The following CELF2 variants were observed in gnomAD, a reference collection of about 807,000 sequenced individuals.
The protein encoded by CELF2 is CUGBP Elav-like family member 2.
A neutral mutation model predicts 62.6 loss-of-function variants in CELF2; 8 were observed. The observed-to-expected ratio is 0.13, with a 90% CI of 0.07 to 0.23. The LOEUF (loss-of-function observed/expected upper bound fraction) is 0.23, where lower values mean the gene tolerates loss of function less well. Ranked by LOEUF, CELF2 falls within the 10% of genes least tolerant of loss-of-function variation. The pLI, the probability that CELF2 is intolerant of heterozygous loss-of-function variation, is 1.00. For synonymous variants in CELF2, 258 were observed against 250.0 expected, an observed-to-expected ratio of 1.03 and a Z score of -0.30; for missense variants, 333 against 671.0, an observed-to-expected ratio of 0.50 and a Z score of 5.56.
chr10:10,890,278 C>T (rs781398910), intron 1 of CELF2, among the ~76,000 whole-genome samples: 2 of 152,112 alleles, frequency 1.3e-5, no homozygotes, highest in Non-Finnish European at 2.9e-5. Context: ...GCATGGATCG[C>T]TCAAAGGTGA....
At chr10:11,173,448 C>T (rs950409205) in intron 2 of CELF2, among the ~76,000 whole-genome samples, 1 of 152,136 alleles carries the variant, frequency 6.6e-6, no homozygotes, top group African/African-American at 2.4e-5. Context: ...TAAAATTAAC[C>T]ATAGTTAAGT....
the CELF2 span, among the ~76,000 whole-genome samples, chr10:10,465,426 T>G: frequency 2.6e-5 from 4 of 152,128 alleles, no homozygotes; most frequent in African/African-American, 9.7e-5. Flanking sequence ...TATTTCTGAG[T>G]GTCTGGAGCT....
the CELF2 span, among the ~76,000 whole-genome samples, chr10:10,591,147 A>T: frequency 1.3e-5 from 2 of 152,230 alleles, no homozygotes; most frequent in African/African-American, 4.8e-5. Flanking sequence ...GACATAAAAG[A>T]GCTCAAACCC....
chr10:10,939,890 C>T (rs1164513760), intron 2 of CELF2, among the ~76,000 whole-genome samples: 1 of 151,976 alleles, frequency 6.6e-6, no homozygotes, highest in African/African-American at 2.4e-5. Flanking sequence ...GGAGGCAGAG[C>T]TTGCAGTGAG....
rs1228234500 is a variant in CELF2, at chr10:11,110,780, G to A, written c.75-54706G>A. On this transcript the variant is annotated intron_variant, in intron 1 of 12. Transcript: ENST00000633077. The surrounding 1 kb of genome is among the most constrained non-coding windows in gnomAD (Gnocchi z 4.0). ...TGCCCACGGGAGGCCTCATCCGGGGGCAGTTTCTGCTTGTCAAGGAACTGC... is the reference window on the plus strand; with the variant it reads ...TGCCCACGGGAGGCCTCATCCGGGGACAGTTTCTGCTTGTCAAGGAACTGC... Among the ~76,000 whole-genome samples the A allele has an allele frequency of 1.3e-5, 2 of 152,092 alleles. No individual in the cohort carries two copies. Among genetic ancestry groups the A allele is most frequent in the African/African-American group, 4.8e-5 (2 of 41,420 alleles).
chr10:11,190,393 A>G (rs1030941576), intron 2 of CELF2, among the ~76,000 whole-genome samples: 28 of 151,844 alleles, frequency 1.8e-4, no homozygotes, highest in African/African-American at 6.5e-4. Context: ...TTTCAGCACT[A>G]CTCCCTACTT....
chr10:10,581,899 G>A, the CELF2 span, among the ~76,000 whole-genome samples: 1 of 152,068 alleles, frequency 6.6e-6, no homozygotes, highest in African/African-American at 2.4e-5. Flanking sequence ...ATGGTGGTGG[G>A]TGCCTGTAAT....
chr10:11,039,412 C>T lies in CELF2; in HGVS notation c.74+21249C>T, dbSNP rs904015322. Reference sequence around the variant, plus strand: ...GTACTTTTTGGACTATTCCTCCAACCTACTTCTTATGCTGGTTGTGTGAAT... The same window carrying T: ...GTACTTTTTGGACTATTCCTCCAACTTACTTCTTATGCTGGTTGTGTGAAT... On this transcript the variant is annotated intron_variant, in intron 1 of 12. Transcript: ENST00000633077. The surrounding 1 kb of genome is among the most constrained non-coding windows in gnomAD (Gnocchi z 4.1). 6.6e-6 allele frequency among the ~76,000 whole-genome samples: 1 copy of T among 152,172 alleles called. No individual in the cohort carries two copies. Among genetic ancestry groups the T allele is most frequent in the African/African-American group, 2.4e-5 (1 of 41,432 alleles).
the CELF2 span, among the ~76,000 whole-genome samples, chr10:10,510,405 G>T: frequency 6.6e-6 from 1 of 152,228 alleles, no homozygotes; most frequent in Non-Finnish European, 1.5e-5. Flanking sequence ...TGCCTAGTAA[G>T]CCAAAAACTG....
upstream of CELF2, among the ~76,000 whole-genome samples, chr10:10,796,401 C>T (rs913952105): frequency 1.3e-5 from 2 of 152,198 alleles, no homozygotes; most frequent in African/African-American, 2.4e-5. Flanking sequence ...TTTGAAGGAA[C>T]ATTCTACTGA....
the CELF2 span, among the ~76,000 whole-genome samples, chr10:10,660,603 C>G: frequency 6.6e-6 from 1 of 152,176 alleles, no homozygotes; most frequent in African/African-American, 2.4e-5. Flanking sequence ...CAATCAATTC[C>G]TTCACCTCAT....
chr10:10,709,754 A>G, the CELF2 span, among the ~76,000 whole-genome samples: 1 of 152,238 alleles, frequency 6.6e-6, no homozygotes, highest in African/African-American at 2.4e-5. Flanking sequence ...AGTTACATCC[A>G]TTAAGAAATG....
the CELF2 span, among the ~76,000 whole-genome samples, chr10:10,523,818 T>C: frequency 6.6e-6 from 1 of 152,186 alleles, no homozygotes; most frequent in Admixed American, 6.6e-5. Flanking sequence ...CCTTCCATGT[T>C]GCAGTTGAAG....
intron 1 of CELF2, among the ~76,000 whole-genome samples, chr10:11,123,728 T>G (rs1236083087): frequency 7.9e-5 from 12 of 152,202 alleles, no homozygotes; most frequent in Admixed American, 7.9e-4. Context: ...ACTTCTCTAG[T>G]GATGAGCACA....
At chr10:10,730,060 A>G in the CELF2 span, among the ~76,000 whole-genome samples, 1 of 152,206 alleles carries the variant, frequency 6.6e-6, no homozygotes, top group African/African-American at 2.4e-5. Context: ...ACACTATCCC[A>G]AGATTACGGA....
intron 1 of CELF2, among the ~76,000 whole-genome samples, chr10:11,077,812 G>C (rs1474615510): frequency 1.3e-5 from 2 of 152,228 alleles, no homozygotes; most frequent in East Asian, 3.9e-4. Flanking sequence ...CACTTTTATG[G>C]ACTCTAGTCC....
At position 11,321,145 on chromosome 10, in the gene CELF2, A is replaced by G. The variant is rs1337199790; in HGVS notation, c.1097-44A>G. 1 of 1,575,038 alleles carries G rather than the reference A, an allele frequency of 6.3e-7. No individual in the cohort carries two copies. Among genetic ancestry groups the G allele is most frequent in the Admixed American group, 1.7e-5 (1 of 59,932 alleles). On this transcript the variant is annotated intron_variant, in intron 10 of 12. Transcript: ENST00000633077. This position sits in a 1 kb window ranked among gnomAD's most constrained non-coding sequence, Gnocchi z 6.2. Reference sequence around the variant, plus strand: ...TAACTTCCTTTGGAAAGCACTAATGAATAAGTGCTGTTTCTCTTCTCTATT... The same window carrying G: ...TAACTTCCTTTGGAAAGCACTAATGGATAAGTGCTGTTTCTCTTCTCTATT...
chr10:11,270,762 C>T lies in CELF2; in HGVS notation c.715C>T (p.Leu239Phe). Residue 239 changes from leucine to phenylalanine, a missense_variant, in exon 7 of 13, where the codon CTC becomes TTC. Coordinates refer to ENST00000633077, the MANE Select transcript of CELF2 (RefSeq NM_001326342.2). This position sits in a 1 kb window ranked among gnomAD's most constrained non-coding sequence, Gnocchi z 5.8. ...GCAGCTCGCTCAGCAGATGCAGCAG[C>T]TCAACACTGCCACCTGGGGGAACCT... ...QQQLAQQMQQ[L>F]NTATWGNLTG... 1 of 1,559,344 alleles carries T rather than the reference C, an allele frequency of 6.4e-7. No individual in the cohort carries two copies. Among genetic ancestry groups the T allele is most frequent in the Non-Finnish European group, 8.7e-7 (1 of 1,148,484 alleles).
chr10:10,661,656 C>T, the CELF2 span, among the ~76,000 whole-genome samples: 5 of 152,134 alleles, frequency 3.3e-5, no homozygotes, highest in African/African-American at 9.7e-5. Context: ...GATAACTGTA[C>T]TGTGAAAGTT....
Sources: allele counts gnomAD v4.1 joint callset (sites outside exome capture counted in the v4.1 genomes callset), GRCh38; gene constraint gnomAD v4.1.1; non-coding constraint Gnocchi (gnomAD v3.1); transcripts MANE v1.5; gene names NCBI Gene and HGNC (gene_info 2026-07-23, HGNC 2026-07-21).